The following LSAMP variants were observed in gnomAD, a reference collection of about 807,000 sequenced individuals.
The protein encoded by LSAMP is limbic system associated membrane protein.
LSAMP carries 7 observed loss-of-function variants against 38.6 expected under a neutral mutation model. The observed-to-expected ratio is 0.18, with a 90% confidence interval of 0.10 to 0.34. The LOEUF (loss-of-function observed/expected upper bound fraction) is 0.34. LSAMP is among the 10% of genes least tolerant of loss of function. The pLI is 1.00. For missense variants in LSAMP, 313 were observed against 420.0 expected, an observed-to-expected ratio of 0.75 and a Z score of 2.23; for synonymous variants, 154 against 166.8, an observed-to-expected ratio of 0.92 and a Z score of 0.59.
At chr3:116,231,241 G>T (rs1280183820) in intron 1 of LSAMP, among the ~76,000 whole-genome samples, 1 of 152,120 alleles carries the variant, frequency 6.6e-6, no homozygotes. Flanking sequence ...GCAGTGAAAG[G>T]TTCTGGTTCT....
intron 3 of LSAMP, among the ~76,000 whole-genome samples, chr3:115,954,729 C>T (rs1309439986): frequency 1.3e-5 from 2 of 152,152 alleles, no homozygotes; most frequent in Non-Finnish European, 2.9e-5. Context: ...TTATTAGATG[C>T]CACTTTTCTA....
chr3:116,066,616 C>T (rs930543099), intron 2 of LSAMP, among the ~76,000 whole-genome samples: 1 of 152,180 alleles, frequency 6.6e-6, no homozygotes, highest in Non-Finnish European at 1.5e-5. Flanking sequence ...AAACATCTTG[C>T]TTCAGATTAT....
At chr3:116,229,428 C>G (rs946214537) in intron 1 of LSAMP, among the ~76,000 whole-genome samples, 1 of 152,100 alleles carries the variant, frequency 6.6e-6, no homozygotes, top group Non-Finnish European at 1.5e-5. Flanking sequence ...TGAATAGATA[C>G]AGGCAATTGC....
chr3:115,918,225 T>C (rs906178944), intron 3 of LSAMP, among the ~76,000 whole-genome samples: 1 of 152,194 alleles, frequency 6.6e-6, no homozygotes, highest in African/African-American at 2.4e-5. Flanking sequence ...TACTAGCACA[T>C]ATCTAGGATA....
At chr3:115,927,861 G>A (rs1465249275) in intron 3 of LSAMP, among the ~76,000 whole-genome samples, 1 of 152,110 alleles carries the variant, frequency 6.6e-6, no homozygotes, top group Non-Finnish European at 1.5e-5. Context: ...CATTTAAAGA[G>A]CAACCTTGCT....
chr3:116,304,255 TA>T (rs900147119), intron 1 of LSAMP, among the ~76,000 whole-genome samples: 8 of 152,090 alleles, frequency 5.3e-5, no homozygotes, highest in South Asian at 2.1e-4. Context: ...CTTATAATCA[TA>T]AAAAAATGAA....
At chr3:115,811,962 C>T (rs906902686) in intron 6 of LSAMP, among the ~76,000 whole-genome samples, 3 of 152,198 alleles carry the variant, frequency 2.0e-5, no homozygotes, top group African/African-American at 7.2e-5. Context: ...ACCCAGGTAT[C>T]TGGCTCCAGA....
At chr3:115,974,268 C>G (rs374251978) in intron 3 of LSAMP, among the ~76,000 whole-genome samples, 1 of 151,980 alleles carries the variant, frequency 6.6e-6, no homozygotes, top group Non-Finnish European at 1.5e-5. Flanking sequence ...TGCTTGAACC[C>G]GGGAAGAGGG....
At chr3:116,237,209 C>T (rs1011410865) in intron 1 of LSAMP, among the ~76,000 whole-genome samples, 7 of 152,090 alleles carry the variant, frequency 4.6e-5, no homozygotes, top group Non-Finnish European at 8.8e-5. Context: ...AACAAAACGA[C>T]GAATGCCATT....
At chr3:115,819,982 A>G (rs1577033595) in intron 6 of LSAMP, among the ~76,000 whole-genome samples, 1 of 150,638 alleles carries the variant, frequency 6.6e-6, no homozygotes, top group African/African-American at 2.4e-5. Context: ...CAGATGAATC[A>G]CCTTTGTCCA....
intron 1 of LSAMP, among the ~76,000 whole-genome samples, chr3:116,113,064 C>T (rs1388287192): frequency 1.3e-5 from 2 of 151,182 alleles, no homozygotes; most frequent in Non-Finnish European, 2.9e-5. Context: ...AAATATGAGG[C>T]AGAGAGAAGG....
At chr3:116,042,283 G>A (rs1428377963) in intron 2 of LSAMP, among the ~76,000 whole-genome samples, 1 of 152,084 alleles carries the variant, frequency 6.6e-6, no homozygotes, top group Non-Finnish European at 1.5e-5. Context: ...TCCTACTGTA[G>A]GAGCTATTAA....
chr3:115,877,059 T>C (rs1936199847), intron 3 of LSAMP, among the ~76,000 whole-genome samples: 1 of 152,126 alleles, frequency 6.6e-6, no homozygotes, highest in Admixed American at 6.6e-5. Context: ...TATTGCTCAT[T>C]AAACATTTAA....
intron 6 of LSAMP, among the ~76,000 whole-genome samples, chr3:115,833,854 T>G (rs957618627): frequency 1.3e-5 from 2 of 152,182 alleles, no homozygotes; most frequent in African/African-American, 4.8e-5. Flanking sequence ...TATATTGTTT[T>G]AATTTTATTT....
Position 116,308,511 on chromosome 3 carries a change from G to A in LSAMP, c.155+136366C>T, listed in dbSNP as rs917737430. Among the ~76,000 whole-genome samples the A allele has an allele frequency of 2.6e-5, 4 of 152,190 alleles. No individual in the cohort carries two copies. In the South Asian group the frequency reaches 8.3e-4, roughly 31 times the overall value. On this transcript the variant is annotated intron_variant, in intron 1 of 6. Coordinates refer to ENST00000490035, the MANE Select transcript of LSAMP (RefSeq NM_002338.5). ...GCAGGCAGAGAGGAAAGATGAGACAGCAGTTTCTTTCCCTGTGACTTCCAA... is the reference window on the plus strand; with the variant it reads ...GCAGGCAGAGAGGAAAGATGAGACAACAGTTTCTTTCCCTGTGACTTCCAA...
chr3:116,265,277 A>G (rs1349156711), intron 1 of LSAMP, among the ~76,000 whole-genome samples: 3 of 152,080 alleles, frequency 2.0e-5, no homozygotes, highest in Non-Finnish European at 4.4e-5. Context: ...TCATGCTGGA[A>G]TTGTTTTTAA....
In LSAMP at chr3:116,019,526, AG is replaced by A; in HGVS notation, c.502del (p.Thr169HisfsTer47). 1 of 1,612,074 alleles carries A rather than the reference AG, an allele frequency of 6.2e-7. No individual in the cohort carries two copies. Among genetic ancestry groups the A allele is most frequent in the Non-Finnish European group, 8.5e-7 (1 of 1,178,634 alleles). ...RPEPVITWRH[L>X]TPTGREFEGE... ...GGAGTATTGCTTACCAGTTGGTGTAAGGTGTCTCCAGGTGATAACAGGTTCA... is the reference window on the plus strand; with the variant it reads ...GGAGTATTGCTTACCAGTTGGTGTAAGTGTCTCCAGGTGATAACAGGTTCA... On this transcript the variant is annotated frameshift_variant, in exon 3 of 7. Transcript: ENST00000490035. LOFTEE classifies it high-confidence loss of function.
At chr3:116,125,354 A>G (rs951489601) in intron 1 of LSAMP, among the ~76,000 whole-genome samples, 2 of 149,750 alleles carry the variant, frequency 1.3e-5, no homozygotes, top group Non-Finnish European at 3.0e-5. Flanking sequence ...TATTATTCAT[A>G]GCAGTTCCCC....
At position 116,181,610 on chromosome 3, in the gene LSAMP, T is replaced by A. The variant is rs948020002; in HGVS notation, c.156-95054A>T. On this transcript the variant is annotated intron_variant, in intron 1 of 6. Transcript: ENST00000490035. ...TGACATCAATATAACTTATGCAAAG[T>A]AAAAGCGTTAAAACATTCCTAAATA... 2.5e-4 allele frequency among the ~76,000 whole-genome samples: 38 copies of A among 152,138 alleles called. 1 individual carries two copies. The highest frequency in any genetic ancestry group is 8.4e-4 in the African/African-American group (35 of 41,556).
Sources: gnomAD v4.1 joint callset for allele counts (sites outside exome capture counted in the v4.1 genomes callset) on GRCh38, gnomAD v4.1.1 for gene constraint, MANE v1.5 for transcripts, NCBI Gene and HGNC (gene_info 2026-07-23, HGNC 2026-07-21) for gene names.